The following ADCY5 variants were observed in gnomAD, a reference collection of about 807,000 sequenced individuals.
ADCY5 encodes adenylate cyclase type 5.
A neutral mutation model predicts 119.7 loss-of-function variants in ADCY5; 30 were observed. That is an observed-to-expected ratio of 0.25 (90% CI 0.19 to 0.34). The LOEUF is 0.34. Ranked by LOEUF, ADCY5 falls within the 10% of genes least tolerant of loss-of-function variation. The pLI, the probability that ADCY5 is intolerant of heterozygous loss-of-function variation, is 1.00. For missense variants in ADCY5, 1,324 were observed against 1,775.2 expected (o/e 0.75, Z 4.57); for synonymous variants, 753 against 762.2 (o/e 0.99, Z 0.20).
chr3:123,349,947 G>A lies in ADCY5; in HGVS notation c.1285-2044C>T, dbSNP rs559575734. 8.5e-5 allele frequency among the ~76,000 whole-genome samples: 13 copies of A among 152,274 alleles called. No homozygotes were observed. The South Asian group carries it at 1.7e-3, about 19-fold the overall frequency. On this transcript the variant is annotated intron_variant, in intron 2 of 20. Transcript: ENST00000462833. ...CCTGACACTGCTGAGATCAGCCCAC[G>A]CCCACAGCCTGGCCTGGAGGTTTCC...
At chr3:123,358,195 T>TGTGTGTGTGTGTG (rs58986112) in intron 1 of ADCY5, among the ~76,000 whole-genome samples, 1 of 149,076 alleles carries the variant, frequency 6.7e-6, no homozygotes, top group African/African-American at 2.5e-5. Flanking sequence ...TGTGTGTGTG[T>TGTGTGTGTGTGTG]AGGGAGTTGG....
At chr3:123,410,104 A>G (rs1945004257) in intron 1 of ADCY5, among the ~76,000 whole-genome samples, 1 of 152,176 alleles carries the variant, frequency 6.6e-6, no homozygotes, top group Non-Finnish European at 1.5e-5. Context: ...CAGGTGCTGG[A>G]TCCGGTCAAC....
In ADCY5 at chr3:123,284,293, T is replaced by C; in HGVS notation, c.*315A>G. On this transcript the variant is annotated 3_prime_UTR_variant, in exon 21 of 21. Transcript: ENST00000462833. ...TTGTCTGGGCCGTGCCACACACACA[T>C]TCCCACGGCTCCTTTCCACCTGTGC... The C allele has an allele frequency of 3.2e-6, 1 of 313,772 alleles. No homozygotes were observed. Among genetic ancestry groups the C allele is most frequent in the Non-Finnish European group, 6.1e-6 (1 of 165,202 alleles). 19.4% of individuals were successfully genotyped at this position (313,772 alleles called of 1,614,324 possible). A position where few individuals can be genotyped will look rare whatever the true frequency, so the allele number is the denominator to read the frequency against.
At chr3:123,403,794 C>A (rs565523990) in intron 1 of ADCY5, among the ~76,000 whole-genome samples, 1 of 152,232 alleles carries the variant, frequency 6.6e-6, no homozygotes, top group Non-Finnish European at 1.5e-5. Flanking sequence ...CCTGCATGGA[C>A]CCCGGGTCCC....
At position 123,447,779 on chromosome 3, in the gene ADCY5, A is replaced by G. The variant is rs1372528061; in HGVS notation, c.767T>C (p.Met256Thr). 2 of 1,610,252 alleles carry G rather than the reference A, an allele frequency of 1.2e-6. No homozygotes were observed. Among genetic ancestry groups the G allele is most frequent in the East Asian group, 2.2e-5 (1 of 44,792 alleles). The change falls in exon 1 of 21, where the codon ATG (methionine) becomes ACG (threonine). Residue 256 changes from methionine to threonine, a missense_variant. Around this residue, in one of 6 missense-constraint regions of ADCY5, gnomAD observed 585 missense variants for 569.9 expected, o/e 1.03. Coordinates refer to ENST00000462833, the MANE Select transcript of ADCY5 (RefSeq NM_183357.3). ...GGGCCGCGCCGCGTGGAAGGCCAAC[A>G]TGACCAGGCACACGAGCACCAGCAC... ...MAVLVLVCLV[M>T]LAFHAARPPL...
At chr3:123,302,895 A>G (rs923926596) in intron 14 of ADCY5, among the ~76,000 whole-genome samples, 160 bp downstream of exon 14, 22 of 152,218 alleles carry the variant, frequency 1.4e-4, no homozygotes, top group African/African-American at 2.4e-5. Context: ...CAGTGCAGAC[A>G]CTGGCATGTA....
At chr3:123,407,917 C>T (rs1322212508) in intron 1 of ADCY5, among the ~76,000 whole-genome samples, 5 of 151,504 alleles carry the variant, frequency 3.3e-5, no homozygotes, top group Admixed American at 3.3e-4. Context: ...GGAGGAAATT[C>T]GGAGTGACTA....
chr3:123,310,795 G>A (rs1318921460), intron 12 of ADCY5, among the ~76,000 whole-genome samples: 1 of 152,144 alleles, frequency 6.6e-6, no homozygotes, highest in South Asian at 2.1e-4. Flanking sequence ...TGAGGCTCAG[G>A]AGTGAAACCA....
chr3:123,322,540 T>C (rs1463932405), intron 8 of ADCY5, among the ~76,000 whole-genome samples: 2 of 152,056 alleles, frequency 1.3e-5, no homozygotes, highest in African/African-American at 4.8e-5. Context: ...AGGGGGGCCA[T>C]TAAAACACAA....
chr3:123,387,042 A>G (rs1944249704), intron 1 of ADCY5, among the ~76,000 whole-genome samples: 1 of 152,190 alleles, frequency 6.6e-6, no homozygotes, highest in South Asian at 2.1e-4. Context: ...CAGTCCATTC[A>G]TTTCTTCACT....
chr3:123,296,040 T>C (rs1252141251), intron 17 of ADCY5, 44 bp downstream of exon 17: 1 of 1,606,164 alleles, frequency 6.2e-7, no homozygotes, highest in Non-Finnish European at 8.5e-7. Flanking sequence ...CGCCACCTGC[T>C]CCCAAATGCC....
intron 1 of ADCY5, among the ~76,000 whole-genome samples, chr3:123,378,766 A>C (rs1229438194): frequency 6.6e-6 from 1 of 152,212 alleles, no homozygotes; most frequent in Non-Finnish European, 1.5e-5. Context: ...TCCTGTCCCC[A>C]GCTCCGACTG....
chr3:123,426,905 C>T (rs1241458801), intron 1 of ADCY5, among the ~76,000 whole-genome samples: 1 of 152,096 alleles, frequency 6.6e-6, no homozygotes, highest in Non-Finnish European at 1.5e-5. Flanking sequence ...TGGATGAAGG[C>T]AGAGCCCTGG....
At chr3:123,328,894 G>A in intron 5 of ADCY5, 92 bp from the exon 6 acceptor site, 1 of 1,333,506 alleles carries the variant, frequency 7.5e-7, no homozygotes, top group Admixed American at 2.0e-5. Context: ...AGGTGAAGGT[G>A]CGGGGGTCAA....
chr3:123,319,764 A>C lies in ADCY5; in HGVS notation c.2166T>G (p.Arg722=), dbSNP rs1941115271. 1 of 1,614,236 alleles carries C rather than the reference A, an allele frequency of 6.2e-7. No individual in the cohort carries two copies. Among genetic ancestry groups the C allele is most frequent in the Non-Finnish European group, 8.5e-7 (1 of 1,180,034 alleles). ...TATCAATGCTCCTGGCGTCAATGGC[A>C]CGGCCCAGAAACTCATCCACTTCAT... ...PEDEVDEFLG[R]AIDARSIDRL... Residue 722 remains arginine (R), a synonymous_variant, in exon 10 of 21, where the codon CGT becomes CGG. Coordinates refer to ENST00000462833, the MANE Select transcript of ADCY5 (RefSeq NM_183357.3).
intron 12 of ADCY5, among the ~76,000 whole-genome samples, chr3:123,310,741 T>C (rs919957763): frequency 7.9e-5 from 12 of 152,108 alleles, no homozygotes; most frequent in African/African-American, 2.7e-4. Flanking sequence ...CAAGGGTCCC[T>C]AAGGCAAGGC....
chr3:123,310,771 C>T (rs1940524164), intron 12 of ADCY5, among the ~76,000 whole-genome samples: 1 of 152,160 alleles, frequency 6.6e-6, no homozygotes, highest in Admixed American at 6.5e-5. Flanking sequence ...GCAGTGGGGG[C>T]TCTGCAAGGC....
intron 15 of ADCY5, among the ~76,000 whole-genome samples, chr3:123,298,936 G>A (rs1939678081): frequency 6.8e-6 from 1 of 147,010 alleles, no homozygotes; most frequent in Non-Finnish European, 1.5e-5. Flanking sequence ...TACTATGGGC[G>A]TTGATAATCC....
chr3:123,325,442 G>C lies in ADCY5; in HGVS notation c.1968C>G (p.Ile656Met). The C allele has an allele frequency of 6.2e-7, 1 of 1,614,132 alleles. No homozygotes were observed. The highest frequency in any genetic ancestry group is 8.5e-7 in the Non-Finnish European group (1 of 1,180,026). Residue 656 changes from isoleucine (I) to methionine (M), a missense_variant, in exon 8 of 21, where the codon ATC becomes ATG. Physicochemically the swap from Ile to Met is conservative, Grantham distance 10 (BLOSUM62 1). Around this residue, in one of 6 missense-constraint regions of ADCY5, gnomAD observed 424 missense variants for 546.8 expected, o/e 0.78. Coordinates refer to ENST00000462833, the MANE Select transcript of ADCY5 (RefSeq NM_183357.3). Reference protein sequence around the residue: ...TQKRKEEKAMIAKMNRQRTNS... With the variant: ...TQKRKEEKAMMAKMNRQRTNS... ...TGGTTCTCTGGCGGTTCATCTTGGC[G>C]ATCATGGCCTTCTCTTCTTTCTGGA...
Sources: allele counts gnomAD v4.1 joint callset (sites outside exome capture counted in the v4.1 genomes callset), GRCh38; gene constraint gnomAD v4.1.1; regional missense constraint gnomAD v4.1.1; transcripts MANE v1.5; gene names NCBI Gene and HGNC (gene_info 2026-07-23, HGNC 2026-07-21).